Variants in BAZ2A observed in about 807,000 individuals in gnomAD.
The protein encoded by BAZ2A is bromodomain adjacent to zinc finger domain protein 2A.
Under a neutral mutation model 199.9 loss-of-function variants are expected in BAZ2A, and 34 were observed. That is an observed-to-expected ratio of 0.17 (90% CI 0.13 to 0.23). BAZ2A has a LOEUF of 0.23. Among genes scored for constraint, BAZ2A ranks in the 10% least tolerant of loss-of-function variants. The pLI, the probability that BAZ2A is intolerant of heterozygous loss-of-function variation, is 1.00. For missense variants in BAZ2A, 2,002 were observed against 2,391.1 expected (o/e 0.84, Z 3.39); for synonymous variants, 857 against 883.9 (o/e 0.97, Z 0.54).
exon 1 of BAZ2A, chr12:56,636,198 C>T (rs1951446371): frequency 6.3e-7 from 1 of 1,593,360 alleles, no homozygotes; most frequent in Non-Finnish European, 8.5e-7. Flanking sequence ...CAGGCTGGCA[C>T]AGCTCCAGGC....
At position 56,605,948 on chromosome 12, in the gene BAZ2A, G is replaced by C; in HGVS notation, c.2375C>G (p.Ala792Gly). Reference sequence around the variant, plus strand: ...GGCCAGGGTCTTATCTGCTTTACAGGCTGGCTTGGCTTTGGTCACCTCCTC... The same window carrying C: ...GGCCAGGGTCTTATCTGCTTTACAGCCTGGCTTGGCTTTGGTCACCTCCTC... ...EKEEVTKAKP[A>G]CKADKTLATQ... The change falls in exon 13 of 29, where the codon GCC becomes GGC. Residue 792 changes from alanine to glycine, a missense_variant. Physicochemically the swap from Ala to Gly is moderately conservative, Grantham distance 60 (BLOSUM62 0). Transcript: ENST00000549884. The C allele has an allele frequency of 7.7e-6, 12 of 1,558,724 alleles. No homozygotes were observed. The highest frequency in any genetic ancestry group is 1.0e-5 in the Non-Finnish European group (12 of 1,150,768).
At chr12:56,603,260 T>A in intron 18 of BAZ2A, 99 bp downstream of exon 18, 2 of 1,356,692 alleles carry the variant, frequency 1.5e-6, no homozygotes, top group Non-Finnish European at 2.0e-6. Flanking sequence ...AGAAACCCCA[T>A]CTCAAAAGAA....
Position 56,598,351 on chromosome 12 carries a change from A to T in BAZ2A, c.*267T>A. ...TTTTTAATTAGCAAATAAAACAGAA[A>T]AGAAAAATTATTTTTTTCTTTCTTT... is the stretch of plus-strand genomic sequence containing the variant. On this transcript the variant is annotated 3_prime_UTR_variant, in exon 29 of 29. Coordinates refer to ENST00000549884, the MANE Select transcript of BAZ2A (RefSeq NM_001300905.2). 2.6e-6 allele frequency: 1 copy of T among 380,652 alleles called. No homozygotes were observed. The highest frequency in any genetic ancestry group is 4.7e-6 in the Non-Finnish European group (1 of 212,428). 23.6% of individuals were successfully genotyped at this position (380,652 alleles called of 1,614,324 possible).
At chr12:56,611,665 T>C (rs1950562015) in intron 6 of BAZ2A, 32 bp from the exon 7 acceptor site, 1 of 1,576,380 alleles carries the variant, frequency 6.3e-7, no homozygotes, top group Non-Finnish European at 8.6e-7. Flanking sequence ...AGTTAAGAGT[T>C]CAAGCAAAAT....
At chr12:56,623,220 A>G (rs1252758211) in intron 1 of BAZ2A, among the ~76,000 whole-genome samples, 1 of 151,696 alleles carries the variant, frequency 6.6e-6, no homozygotes, top group Non-Finnish European at 1.5e-5. Flanking sequence ...TGGGCGACAG[A>G]GCGAGACTCC....
At position 56,597,950 on chromosome 12, in the gene BAZ2A, T is replaced by G. The variant is rs927815711; in HGVS notation, c.*668A>C. On this transcript the variant is annotated 3_prime_UTR_variant, in exon 29 of 29. Transcript: ENST00000549884. ...AGACAGGGACCTCTGAACATTTTTT[T>G]TTCCTTTGAAGGGAAAAGATTTGGG... 1 of 152,628 alleles carries G rather than the reference T, an allele frequency of 6.6e-6. No individual in the cohort carries two copies. The highest frequency in any genetic ancestry group is 2.4e-5 in the African/African-American group (1 of 41,404). 9.5% of individuals were successfully genotyped at this position (152,628 alleles called of 1,614,324 possible).
In BAZ2A at chr12:56,601,118, AT is replaced by A; in HGVS notation, c.4295-21del. On this transcript the variant is annotated intron_variant, in intron 21 of 28. Transcript: ENST00000549884. ...ACATCTCTGTGAGCAGATGAGATAT[AT>A]GTGGGGCGCCAGCTGTGAAGCACTG... 6.2e-7 allele frequency: 1 copy of A among 1,613,692 alleles called. No individual in the cohort carries two copies. Among genetic ancestry groups the A allele is most frequent in the Non-Finnish European group, 8.5e-7 (1 of 1,179,752 alleles).
intron 21 of BAZ2A, 21 bp downstream of exon 21, chr12:56,601,159 C>A (rs779813381): frequency 6.2e-7 from 1 of 1,613,856 alleles, no homozygotes; most frequent in African/African-American, 1.3e-5. Flanking sequence ...CACCGGATGC[C>A]CTCACTCCAA....
chr12:56,630,058 C>A, intron 1 of BAZ2A, 67 bp downstream of exon 1: 1 of 925,462 alleles, frequency 1.1e-6, no homozygotes, highest in Non-Finnish European at 1.3e-6. Flanking sequence ...TTCTGTTCCC[C>A]GAGGGAAGCC....
In BAZ2A at chr12:56,604,391, G is replaced by C. The variant is rs984333048; in HGVS notation, c.2964-100C>G. On this transcript the variant is annotated intron_variant, in intron 15 of 28. Transcript: ENST00000549884. ...CAGCTGAAAAAGGAGTTCCAGCCTA[G>C]AACCCAGATTGGGTGAATGGCAGAA... 4 of 1,380,394 alleles carry C rather than the reference G, an allele frequency of 2.9e-6. No homozygotes were observed. The Admixed American group carries it at 8.1e-5, about 28-fold the overall frequency. The allele number at this position is 1,380,394 out of a possible 1,614,324, so 85.5% of individuals were successfully genotyped here.
In BAZ2A at chr12:56,604,276, A is replaced by G. The variant is rs762624840; in HGVS notation, c.2979T>C (p.Thr993=). The change falls in exon 16 of 29, where the codon ACT becomes ACC. Residue 993 remains threonine (T), a synonymous_variant. Transcript: ENST00000549884. ...TCCTGTAGCTGGACATACTCTCCAG[A>G]GTCTTGTCAATCTCACTGCAGGGGA... The part of the protein sequence containing the change: ...STLIINEIDK[T]LESMSSYRKN... 5.0e-6 allele frequency: 8 copies of G among 1,608,450 alleles called. No individual in the cohort carries two copies. In the South Asian group the frequency reaches 7.8e-5, roughly 16 times the overall value.
chr12:56,600,545 A>AG, intron 23 of BAZ2A, 55 bp from the exon 24 acceptor site: 1 of 1,571,260 alleles, frequency 6.4e-7, no homozygotes, highest in Middle Eastern at 1.7e-4. Context: ...AATTTGGCAT[A>AG]GGAAAAAAAA....
chr12:56,603,537 C>T lies in BAZ2A; in HGVS notation c.3202G>A (p.Gly1068Ser). Residue 1068 changes from glycine to serine, a missense_variant, in exon 17 of 29, where the codon GGT becomes AGT. Physicochemically the swap from Gly to Ser is moderately conservative, Grantham distance 56. Coordinates refer to ENST00000549884, the MANE Select transcript of BAZ2A (RefSeq NM_001300905.2). The stretch of plus-strand genomic sequence containing the variant: ...GCCAGTACCTCTCCATCTCTTCGAC[C>T]CCTGCGGCCAGGGACAGCTGCTATA... Reference protein sequence around the residue: ...ESIAAVPGRRGRRDGEVDATA... With the variant: ...ESIAAVPGRRSRRDGEVDATA... The T allele has an allele frequency of 6.2e-7, 1 of 1,613,978 alleles. No homozygotes were observed. Among genetic ancestry groups the T allele is most frequent in the Non-Finnish European group, 8.5e-7 (1 of 1,179,896 alleles).
At chr12:56,630,055 C>T in intron 1 of BAZ2A, 70 bp downstream of exon 1, 1 of 917,466 alleles carries the variant, frequency 1.1e-6, no homozygotes, top group Non-Finnish European at 1.3e-6. Context: ...AGCTTCTGTT[C>T]CCCGAGGGAA....
chr12:56,632,216 G>A (rs959893878), upstream of BAZ2A, among the ~76,000 whole-genome samples: 19 of 152,126 alleles, frequency 1.2e-4, no homozygotes, highest in Non-Finnish European at 1.5e-5. Context: ...AGAAAGGAGG[G>A]CTCTGGCAAA....
At chr12:56,617,659 T>G in intron 1 of BAZ2A, 127 bp from the exon 2 acceptor site, 1 of 1,019,646 alleles carries the variant, frequency 9.8e-7, no homozygotes, top group Non-Finnish European at 1.4e-6. Context: ...AAGTACTGTG[T>G]GAGGGAAGGT....
At chr12:56,614,929 A>T in intron 3 of BAZ2A, 85 bp downstream of exon 3, 1 of 1,368,136 alleles carries the variant, frequency 7.3e-7, no homozygotes, top group Non-Finnish European at 1.0e-6. Flanking sequence ...AGCTGGAAAG[A>T]CAAGTTTTTC....
At chr12:56,602,238 GA>G (rs1886560256) in intron 19 of BAZ2A, 46 bp from the exon 20 acceptor site, 1 of 1,463,956 alleles carries the variant, frequency 6.8e-7, no homozygotes, top group Non-Finnish European at 9.3e-7. Flanking sequence ...ACATACAAGG[GA>G]AAAGTAAGAG....
rs2137418608 is a variant in BAZ2A, at chr12:56,630,115, C to T, written c.-3+10G>A. 2.0e-6 allele frequency: 2 copies of T among 982,900 alleles called. No homozygotes were observed. Among genetic ancestry groups the T allele is most frequent in the East Asian group, 1.1e-4 (1 of 8,814 alleles). The allele number at this position is 982,900 out of a possible 1,614,324, so 60.9% of individuals were successfully genotyped here. The stretch of plus-strand genomic sequence containing the variant: ...TCCCCCTCAGGCCCCTGGCCACAGA[C>T]CCCACAAACCTGAGGCAGCGGCGTC... On this transcript the variant is annotated intron_variant, in intron 1 of 28. Transcript: ENST00000549884.
Sources: allele counts gnomAD v4.1 joint callset (sites outside exome capture counted in the v4.1 genomes callset), GRCh38; gene constraint gnomAD v4.1.1; transcripts MANE v1.5; gene names NCBI Gene and HGNC (gene_info 2026-07-23, HGNC 2026-07-21).